The following EXOC4 variants were observed in gnomAD, a reference collection of about 807,000 sequenced individuals.
EXOC4 encodes exocyst complex component 4, also known as SEC8-like 1.
A neutral mutation model predicts 107.2 loss-of-function variants in EXOC4; 71 were observed. The observed-to-expected ratio is 0.66, with a 90% CI of 0.55 to 0.81. The LOEUF is 0.81. Ranked by LOEUF, EXOC4 falls within the 30% of genes least tolerant of loss-of-function variation. EXOC4 has a pLI of 0.00. For synonymous variants in EXOC4, 456 were observed against 441.2 expected, an observed-to-expected ratio of 1.03 and a Z score of -0.42; for missense variants, 1,108 against 1,189.6, an observed-to-expected ratio of 0.93 and a Z score of 1.01.
chr7:134,023,002 C>T (rs1271389823), intron 17 of EXOC4, among the ~76,000 whole-genome samples: 2 of 152,180 alleles, frequency 1.3e-5, no homozygotes, highest in Non-Finnish European at 1.5e-5. Flanking sequence ...ATGTTTTCCC[C>T]ATTCGATGTT....
chr7:134,067,706 G>A (rs1190457673), downstream of EXOC4, among the ~76,000 whole-genome samples: 1 of 150,686 alleles, frequency 6.6e-6, no homozygotes, highest in African/African-American at 2.5e-5. Flanking sequence ...TGCTGGTGGT[G>A]GTTTCTTCTA....
chr7:134,098,452 T>G, the EXOC4 span, among the ~76,000 whole-genome samples: 1 of 152,170 alleles, frequency 6.6e-6, no homozygotes, highest in African/African-American at 2.4e-5. Flanking sequence ...ACAGTGCTAT[T>G]TCCTAATCAA....
chr7:133,347,202 G>A (rs1795802123), intron 5 of EXOC4, among the ~76,000 whole-genome samples: 1 of 151,166 alleles, frequency 6.6e-6, no homozygotes, highest in Non-Finnish European at 1.5e-5. Flanking sequence ...CATGTAAGTA[G>A]CTGTAGGCTG....
chr7:133,260,831 A>C (rs1017848509), intron 1 of EXOC4, among the ~76,000 whole-genome samples: 21 of 151,910 alleles, frequency 1.4e-4, no homozygotes, highest in African/African-American at 5.1e-4. Context: ...GTCTAGGTTT[A>C]TATGTCTTTG....
rs2151216335 is a variant in EXOC4 at position 133,817,467 on chromosome 7, A to G, written c.1657A>G (p.Lys553Glu). Residue 553 changes from lysine to glutamate, a missense_variant, in exon 11 of 18, where the codon AAA becomes GAA. By Grantham distance (56) the Lys-to-Glu change is moderately conservative. Coordinates refer to ENST00000253861, the MANE Select transcript of EXOC4 (RefSeq NM_021807.4). The part of the protein sequence containing the change: ...EINKEIEGVT[K>E]TSDPLKILAN... ...CAACAAGGAGATTGAAGGAGTCACT[A>G]AAACATCTGACCCTTTGAAGATTCT... 3 of 1,614,158 alleles carry G rather than the reference A, an allele frequency of 1.9e-6. No homozygotes were observed. The South Asian group carries it at 3.3e-5, about 18-fold the overall frequency.
At position 133,997,589 on chromosome 7, in the gene EXOC4, G is replaced by A. The variant is rs747925661; in HGVS notation, c.2304G>A (p.Gln768=). ...QTLSELAKSF[Q]DMADRCLLVL... ...TCAGTGAACTTGCCAAATCGTTCCAGGATATGGCTGACCGCTGCTTGCTTG... is the reference window on the plus strand; with the variant it reads ...TCAGTGAACTTGCCAAATCGTTCCAAGATATGGCTGACCGCTGCTTGCTTG... The change falls in exon 15 of 18, where the codon CAG becomes CAA. Residue 768 remains glutamine (Q), a synonymous_variant. Coordinates refer to ENST00000253861, the MANE Select transcript of EXOC4 (RefSeq NM_021807.4). 6 of 1,613,630 alleles carry A rather than the reference G, an allele frequency of 3.7e-6. No individual in the cohort carries two copies. Among genetic ancestry groups the A allele is most frequent in the South Asian group, 2.2e-5 (2 of 91,048 alleles).
At chr7:133,373,316 G>C (rs1796416838) in intron 6 of EXOC4, among the ~76,000 whole-genome samples, 1 of 152,146 alleles carries the variant, frequency 6.6e-6, no homozygotes, top group Non-Finnish European at 1.5e-5. Context: ...ATATGAATTT[G>C]ACCTTTAAGG....
chr7:133,929,490 G>C (rs1339473923), intron 13 of EXOC4, among the ~76,000 whole-genome samples: 1 of 151,482 alleles, frequency 6.6e-6, no homozygotes, highest in Non-Finnish European at 1.5e-5. Context: ...AAAAAAAATG[G>C]ATCATCTTAA....
At chr7:133,470,605 C>A (rs1335914205) in intron 7 of EXOC4, among the ~76,000 whole-genome samples, 1 of 152,086 alleles carries the variant, frequency 6.6e-6, no homozygotes, top group Non-Finnish European at 1.5e-5. Flanking sequence ...TTGTTTCTTG[C>A]CTTTAGTTTT....
chr7:133,463,796 A>G (rs1276737539), intron 7 of EXOC4, among the ~76,000 whole-genome samples: 1 of 152,080 alleles, frequency 6.6e-6, no homozygotes, highest in Non-Finnish European at 1.5e-5. Flanking sequence ...CGCAAAGGGG[A>G]AGAAGGAAGA....
At chr7:133,390,428 C>T (rs1036173108) in intron 7 of EXOC4, among the ~76,000 whole-genome samples, 1 of 152,042 alleles carries the variant, frequency 6.6e-6, no homozygotes, top group Non-Finnish European at 1.5e-5. Context: ...CTGGAGATTC[C>T]ACTGGGGATG....
chr7:133,855,111 A>C (rs1206197922), intron 11 of EXOC4, among the ~76,000 whole-genome samples: 4 of 97,944 alleles, frequency 4.1e-5, no homozygotes, highest in South Asian at 2.9e-4. Context: ...ATAAATATAT[A>C]TAAATATATA....
Position 133,475,474 on chromosome 7 carries a change from G to T in EXOC4, c.1328+1G>T. ...AAAGGCCAAAAAATTCTCTTTTCAAGTAAGTATTATTCTGCTGTTAATAGG... is the reference window on the plus strand; with the variant it reads ...AAAGGCCAAAAAATTCTCTTTTCAATTAAGTATTATTCTGCTGTTAATAGG... On this transcript the variant is annotated splice_donor_variant, in intron 8 of 17. Coordinates refer to ENST00000253861, the MANE Select transcript of EXOC4 (RefSeq NM_021807.4). LOFTEE classifies it high-confidence loss of function. The T allele has an allele frequency of 6.2e-7, 1 of 1,613,746 alleles. No homozygotes were observed. The highest frequency in any genetic ancestry group is 1.7e-5 in the Admixed American group (1 of 59,992).
intron 5 of EXOC4, among the ~76,000 whole-genome samples, chr7:133,322,316 G>A (rs772158076): frequency 8.3e-4 from 126 of 152,268 alleles, no homozygotes; most frequent in Non-Finnish European, 1.5e-3. Flanking sequence ...GAATGGTATT[G>A]CCCAGGTTTT....
At chr7:133,935,566 A>G (rs1200859840) in intron 13 of EXOC4, among the ~76,000 whole-genome samples, 1 of 152,188 alleles carries the variant, frequency 6.6e-6, no homozygotes, top group African/African-American at 2.4e-5. Flanking sequence ...CTAGCCCTTG[A>G]TATGTAACAT....
At chr7:133,824,091 C>A (rs1024047377) in intron 11 of EXOC4, among the ~76,000 whole-genome samples, 8 of 150,014 alleles carry the variant, frequency 5.3e-5, no homozygotes, top group African/African-American at 2.0e-4. Flanking sequence ...GTGGCTGTCA[C>A]CAAATTGCTT....
chr7:133,901,209 G>T (rs1461766594), intron 12 of EXOC4, among the ~76,000 whole-genome samples: 1 of 152,088 alleles, frequency 6.6e-6, no homozygotes, highest in Non-Finnish European at 1.5e-5. Context: ...TCAGCCTATT[G>T]AGATATTTTT....
chr7:133,746,457 C>G (rs1455872633), intron 10 of EXOC4, among the ~76,000 whole-genome samples: 1 of 152,064 alleles, frequency 6.6e-6, no homozygotes, highest in Non-Finnish European at 1.5e-5. Context: ...TGTTAATTAT[C>G]CCAGTGCCAG....
At chr7:133,406,879 A>C (rs542550449) in intron 7 of EXOC4, among the ~76,000 whole-genome samples, 194 of 152,356 alleles carry the variant, frequency 1.3e-3, no homozygotes, top group Non-Finnish European at 2.4e-3. Flanking sequence ...GAGAGGGGAC[A>C]GTCCATTGCC....
Sources: allele counts gnomAD v4.1 joint callset (sites outside exome capture counted in the v4.1 genomes callset), GRCh38; gene constraint gnomAD v4.1.1; transcripts MANE v1.5; gene names NCBI Gene and HGNC (gene_info 2026-07-23, HGNC 2026-07-21).